RNGTT: variants seen among roughly 807,000 people sequenced by gnomAD.
RNGTT encodes RNA guanylyltransferase and 5'-phosphatase.
RNGTT carries 33 observed loss-of-function variants against 79.3 expected under a neutral mutation model. The observed-to-expected ratio is 0.42, with a 90% CI of 0.32 to 0.56. The LOEUF (loss-of-function observed/expected upper bound fraction) is 0.56. RNGTT is among the 20% of genes least tolerant of loss of function. RNGTT has a pLI of 0.17. For missense variants in RNGTT, 497 were observed against 739.1 expected (o/e 0.67, Z 3.80); for synonymous variants, 222 against 235.9 (o/e 0.94, Z 0.54).
At chr6:88,885,658 A>G (rs1420382878) in intron 8 of RNGTT, among the ~76,000 whole-genome samples, 1 of 152,230 alleles carries the variant, frequency 6.6e-6, no homozygotes, top group Non-Finnish European at 1.5e-5. Context: ...ATCTCAGAGT[A>G]TCTCCCTCAC....
intron 12 of RNGTT, among the ~76,000 whole-genome samples, chr6:88,794,577 T>C (rs145779910): frequency 6.6e-6 from 1 of 152,278 alleles, no homozygotes; most frequent in African/African-American, 2.4e-5. Context: ...AACCTCAGAT[T>C]ATTTTGCAAG....
At position 88,654,475 on chromosome 6, in the gene RNGTT, G is replaced by C. The variant is rs144498266; in HGVS notation, c.1506+23878C>G. Among the ~76,000 whole-genome samples, 19 of 152,222 alleles carry C rather than the reference G, an allele frequency of 1.2e-4. No homozygotes were observed. The East Asian group carries it at 3.1e-3, about 25-fold the overall frequency. On this transcript the variant is annotated intron_variant, in intron 14 of 15. Coordinates refer to ENST00000369485, the MANE Select transcript of RNGTT (RefSeq NM_003800.5). ...TCAAAAAACATGAAATCACTTGGGAGACAGAGTAGATGTGCAAGGCTCCCC... is the reference window on the plus strand; with the variant it reads ...TCAAAAAACATGAAATCACTTGGGACACAGAGTAGATGTGCAAGGCTCCCC...
intron 8 of RNGTT, among the ~76,000 whole-genome samples, chr6:88,876,344 C>A (rs1782517048): frequency 6.6e-6 from 1 of 152,086 alleles, no homozygotes; most frequent in African/African-American, 2.4e-5. Flanking sequence ...GCCTGGACAA[C>A]ACGGGGAAAC....
chr6:88,911,257 AC>A (rs912252002), intron 4 of RNGTT, among the ~76,000 whole-genome samples: 1 of 152,112 alleles, frequency 6.6e-6, no homozygotes, highest in Admixed American at 6.6e-5. Flanking sequence ...ACTAACTCAT[AC>A]CCCCAGCCTC....
chr6:88,757,295 G>C (rs1391440994), intron 13 of RNGTT, among the ~76,000 whole-genome samples: 1 of 152,162 alleles, frequency 6.6e-6, no homozygotes, highest in African/African-American at 2.4e-5. Context: ...GGTAGTATTA[G>C]TATCAAGCTA....
chr6:88,934,031 T>C (rs1374046282), intron 2 of RNGTT, among the ~76,000 whole-genome samples: 1 of 152,074 alleles, frequency 6.6e-6, no homozygotes, highest in Non-Finnish European at 1.5e-5. Flanking sequence ...ATAGTTTTGT[T>C]TTGTTTTTTT....
intron 13 of RNGTT, among the ~76,000 whole-genome samples, chr6:88,763,945 G>T (rs1187287854): frequency 6.6e-6 from 1 of 152,154 alleles, no homozygotes; most frequent in African/African-American, 2.4e-5. Flanking sequence ...ACAAAAGATG[G>T]CTCTGCAGCA....
intron 13 of RNGTT, among the ~76,000 whole-genome samples, chr6:88,682,491 A>T (rs980542359): frequency 1.3e-5 from 2 of 152,238 alleles, no homozygotes; most frequent in Non-Finnish European, 2.9e-5. Flanking sequence ...AAGAAAATGC[A>T]TATCATTGAT....
At chr6:88,939,748 C>G (rs1784785546) in intron 2 of RNGTT, among the ~76,000 whole-genome samples, 1 of 151,110 alleles carries the variant, frequency 6.6e-6, no homozygotes. Flanking sequence ...ATCTGCACAT[C>G]TGGTGTAACA....
rs1051372919 is a variant in RNGTT, at chr6:88,646,370, C to T, written c.1507-31975G>A. Among the ~76,000 whole-genome samples the T allele has an allele frequency of 1.2e-4, 19 of 152,206 alleles. No individual in the cohort carries two copies. In the South Asian group the frequency reaches 1.7e-3, roughly 13 times the overall value. ...AGGTGCTGGAGAGGATGTGGAGAAA[C>T]AGGAACATTTTTACACTGTTGGTGG... On this transcript the variant is annotated intron_variant, in intron 14 of 15. Transcript: ENST00000369485.
chr6:88,723,283 AAGCAACAATGAGGAAG>A (rs1387191477), intron 13 of RNGTT, among the ~76,000 whole-genome samples: 4 of 152,202 alleles, frequency 2.6e-5, no homozygotes, highest in Non-Finnish European at 5.9e-5. Flanking sequence ...TCTGATAAGT[AAGCAACAATGAGGAAG>A]GAGCCCCAGG....
At chr6:88,626,086 A>G (rs1321412914) in intron 14 of RNGTT, among the ~76,000 whole-genome samples, 1 of 152,020 alleles carries the variant, frequency 6.6e-6, no homozygotes, top group Non-Finnish European at 1.5e-5. Context: ...ACAGAGGGAA[A>G]CAGAGGCATA....
intron 13 of RNGTT, among the ~76,000 whole-genome samples, chr6:88,755,959 C>CAA (rs1157096180): frequency 0.017 from 524 of 30,046 alleles, 20 homozygotes; most frequent in East Asian, 0.023. Context: ...GACTCCGTCT[C>CAA]AAAAAAAAAA....
chr6:88,961,137 C>T (rs1031180694), intron 1 of RNGTT, among the ~76,000 whole-genome samples: 6 of 152,206 alleles, frequency 3.9e-5, no homozygotes, highest in East Asian at 3.9e-4. Flanking sequence ...AAGACTTGAC[C>T]GGCTTAGCCT....
chr6:88,867,431 C>T (rs776003167), intron 8 of RNGTT, among the ~76,000 whole-genome samples: 5 of 151,766 alleles, frequency 3.3e-5, no homozygotes, highest in Non-Finnish European at 5.9e-5. Context: ...TGCAGTGAGC[C>T]GAGATCATGG....
intron 2 of RNGTT, among the ~76,000 whole-genome samples, chr6:88,930,024 A>G (rs897428790): frequency 1.4e-5 from 2 of 148,028 alleles, no homozygotes; most frequent in African/African-American, 2.5e-5. Context: ...ATGTATACAC[A>G]TATATGCATA....
chr6:88,877,657 G>C (rs75637063), intron 8 of RNGTT, among the ~76,000 whole-genome samples: 3,932 of 152,152 alleles, frequency 0.026, 167 homozygotes, highest in African/African-American at 0.086. Flanking sequence ...TTTCATATAG[G>C]GGGACTTAAA....
chr6:88,801,303 A>T (rs1354578244), intron 12 of RNGTT, among the ~76,000 whole-genome samples: 1 of 152,206 alleles, frequency 6.6e-6, no homozygotes, highest in Non-Finnish European at 1.5e-5. Context: ...GTTTCTTTGA[A>T]ATGTAACGAC....
At chr6:88,724,546 A>G (rs1562218122) in intron 13 of RNGTT, among the ~76,000 whole-genome samples, 1 of 151,866 alleles carries the variant, frequency 6.6e-6, no homozygotes, top group Non-Finnish European at 1.5e-5. Flanking sequence ...ATGGAAGAAA[A>G]TTTTTCCACA....
Sources: allele counts gnomAD v4.1 joint callset (sites outside exome capture counted in the v4.1 genomes callset), GRCh38; gene constraint gnomAD v4.1.1; transcripts MANE v1.5; gene names NCBI Gene and HGNC (gene_info 2026-07-23, HGNC 2026-07-21).